The following N4BP1 variants were observed in gnomAD, a reference collection of about 807,000 sequenced individuals.
N4BP1 encodes NEDD4-binding protein 1.
In N4BP1, 21 loss-of-function variants were observed where a neutral mutation model predicts 70.9. The observed-to-expected ratio is 0.30, with a 90% CI of 0.21 to 0.43. The LOEUF (loss-of-function observed/expected upper bound fraction) is 0.43. Among genes scored for constraint, N4BP1 ranks in the 20% least tolerant of loss-of-function variants. N4BP1 has a pLI of 1.00. For synonymous variants in N4BP1, 387 were observed against 394.6 expected (o/e 0.98, Z 0.23); for missense variants, 936 against 1,069.4 (o/e 0.88, Z 1.74).
At chr16:48,608,364 A>G (rs1964617955) in intron 1 of N4BP1, among the ~76,000 whole-genome samples, 1 of 152,182 alleles carries the variant, frequency 6.6e-6, no homozygotes, top group Non-Finnish European at 1.5e-5. Flanking sequence ...TCCTTTAAGG[A>G]TGTGAAATGC....
At chr16:48,603,450 G>A (rs189761650) in intron 1 of N4BP1, among the ~76,000 whole-genome samples, 37 of 152,088 alleles carry the variant, frequency 2.4e-4, no homozygotes, top group Admixed American at 3.9e-4. Context: ...ACACCTTAAA[G>A]GTTCATGGAG....
intron 1 of N4BP1, among the ~76,000 whole-genome samples, chr16:48,566,920 T>C (rs1963950371): frequency 6.6e-6 from 1 of 152,260 alleles, no homozygotes; most frequent in South Asian, 2.1e-4. Flanking sequence ...CACTGTTACA[T>C]AATGTCTTCT....
At chr16:48,565,654 A>C (rs1236750632) in intron 1 of N4BP1, among the ~76,000 whole-genome samples, 1 of 152,238 alleles carries the variant, frequency 6.6e-6, no homozygotes, top group Non-Finnish European at 1.5e-5. Context: ...ATGAGTTAGA[A>C]AGTGTTCTCT....
intron 1 of N4BP1, among the ~76,000 whole-genome samples, chr16:48,601,896 CA>C (rs985887847): frequency 6.6e-6 from 1 of 151,914 alleles, no homozygotes; most frequent in Non-Finnish European, 1.5e-5. Context: ...TTCTTTAAGC[CA>C]AAAAAACTCC....
chr16:48,560,893 C>T lies in N4BP1; in HGVS notation c.1750G>A (p.Asp584Asn), dbSNP rs1272427199. The T allele has an allele frequency of 6.2e-7, 1 of 1,613,818 alleles. No individual in the cohort carries two copies. Among genetic ancestry groups the T allele is most frequent in the African/African-American group, 1.3e-5 (1 of 74,890 alleles). ...VTDARSAGPS[D>N]HIDSSVTGVQ... Reference sequence around the variant, plus strand: ...CCAGTAACTGAGGAATCAATATGATCAGAAGGTCCTGCCGACCTTGCATCA... The same window carrying T: ...CCAGTAACTGAGGAATCAATATGATTAGAAGGTCCTGCCGACCTTGCATCA... The change falls in exon 2 of 7, where the codon GAT becomes AAT. Residue 584 changes from aspartate to asparagine, a missense_variant. By Grantham distance (23) the Asp-to-Asn change is conservative. Around this residue, in one of 4 missense-constraint regions of N4BP1, gnomAD observed 515 missense variants for 491.7 expected, o/e 1.05. Coordinates refer to ENST00000262384, the MANE Select transcript of N4BP1 (RefSeq NM_153029.4).
chr16:48,544,626 C>G lies in N4BP1; in HGVS notation c.2334-1365G>C, dbSNP rs2151084343. ...TTATGAAAACAGAAACAACCACTAA[C>G]AAGGTGTCCTAAAAACAAAACAAAC... On this transcript the variant is annotated intron_variant, in intron 6 of 6. Coordinates refer to ENST00000262384, the MANE Select transcript of N4BP1 (RefSeq NM_153029.4). Among the ~76,000 whole-genome samples the G allele has an allele frequency of 1.3e-5, 2 of 152,306 alleles. 1 individual carries two copies. Among genetic ancestry groups the G allele is most frequent in the South Asian group, 4.1e-4 (2 of 4,826 alleles).
intron 3 of N4BP1, among the ~76,000 whole-genome samples, chr16:48,552,012 C>T (rs533688299): frequency 6.6e-6 from 1 of 152,132 alleles, no homozygotes; most frequent in East Asian, 1.9e-4. Flanking sequence ...ATGAAGCCTA[C>T]CATCAAAAAC....
In N4BP1 at chr16:48,561,329, C is replaced by A. The variant is rs1020163265; in HGVS notation, c.1314G>T (p.Met438Ile). The A allele has an allele frequency of 6.2e-6, 10 of 1,613,582 alleles. No individual in the cohort carries two copies. The Admixed American group carries it at 6.7e-5, about 11-fold the overall frequency. The change falls in exon 2 of 7, where the codon ATG becomes ATT. Residue 438 changes from methionine (M) to isoleucine (I), a missense_variant. Physicochemically the swap from Met to Ile is conservative, Grantham distance 10. Around this residue, in one of 4 missense-constraint regions of N4BP1, gnomAD observed 515 missense variants for 491.7 expected, o/e 1.05. Transcript: ENST00000262384. ...ATGGTAACTGAGAAAATTTTTCTACCATATTTTGCTGTGTGTGAGCCTGTG... is the reference window on the plus strand; with the variant it reads ...ATGGTAACTGAGAAAATTTTTCTACAATATTTTGCTGTGTGTGAGCCTGTG... Reference protein sequence around the residue: ...KKTQAHTQQNMVEKFSQLPFK... With the variant: ...KKTQAHTQQNIVEKFSQLPFK...
intron 1 of N4BP1, among the ~76,000 whole-genome samples, chr16:48,585,987 C>T (rs918999991): frequency 1.3e-5 from 2 of 152,240 alleles, no homozygotes; most frequent in East Asian, 3.9e-4. Flanking sequence ...TGAGCCACTG[C>T]GCCCGGCCAA....
intron 1 of N4BP1, among the ~76,000 whole-genome samples, chr16:48,605,288 C>A (rs1425669021): frequency 6.6e-6 from 1 of 152,122 alleles, no homozygotes; most frequent in African/African-American, 2.4e-5. Flanking sequence ...ACTCGGCATC[C>A]CAAAGTGTTG....
rs142597851 is a variant in N4BP1, at chr16:48,564,988, AATT to A, written c.199-2547_199-2545del. On this transcript the variant is annotated intron_variant, in intron 1 of 6. Transcript: ENST00000262384. ...GTCCACTGTTAGTATATACAAATAT[AATT>A]GATTTCTGTATGTTAATCATGTATC... is the stretch of plus-strand genomic sequence containing the variant. 5.0e-3 allele frequency among the ~76,000 whole-genome samples: 755 copies of A among 152,344 alleles called. 3 individuals are homozygous for A. Among genetic ancestry groups the A allele is most frequent in the Middle Eastern group, 0.014 (4 of 294 alleles).
In N4BP1 at chr16:48,610,087, C is replaced by G. The variant is rs547588118; in HGVS notation, c.-115G>C. 9 of 475,356 alleles carry G rather than the reference C, an allele frequency of 1.9e-5. No homozygotes were observed. In the African/African-American group the frequency reaches 1.9e-4, roughly 10 times the overall value. The allele number at this position is 475,356 out of a possible 1,614,324, so 29.4% of individuals were successfully genotyped here. A position where few individuals can be genotyped will look rare whatever the true frequency, so the allele number is the denominator to read the frequency against. On this transcript the variant is annotated 5_prime_UTR_variant, in exon 1 of 7. Coordinates refer to ENST00000262384, the MANE Select transcript of N4BP1 (RefSeq NM_153029.4). ...GCGTCGGCCCTTCCCGGCCGCCTCG[C>G]CCCCGCCCGCGCCCCGCCGCCCGCC...
At chr16:48,562,622 T>G (rs1159320338) in intron 1 of N4BP1, among the ~76,000 whole-genome samples, 178 bp from the exon 2 acceptor site, 1 of 152,234 alleles carries the variant, frequency 6.6e-6, no homozygotes, top group Non-Finnish European at 1.5e-5. Flanking sequence ...ATAACTTGCT[T>G]AAACCATCTT....
intron 1 of N4BP1, among the ~76,000 whole-genome samples, chr16:48,601,260 G>A (rs1393569070): frequency 1.3e-5 from 2 of 152,096 alleles, no homozygotes; most frequent in Non-Finnish European, 2.9e-5. Flanking sequence ...GCTACACTCT[G>A]GAATTTCCAC....
intron 1 of N4BP1, among the ~76,000 whole-genome samples, chr16:48,607,639 T>C (rs752786672): frequency 1.2e-4 from 18 of 151,866 alleles, no homozygotes; most frequent in Admixed American, 2.0e-4. Flanking sequence ...GCAAAGGCAA[T>C]AGAAAGGAAA....
chr16:48,560,110 A>AC (rs1963831233), intron 2 of N4BP1, among the ~76,000 whole-genome samples: 1 of 151,866 alleles, frequency 6.6e-6, no homozygotes, highest in Admixed American at 6.6e-5. Context: ...TTAGAAAAAA[A>AC]ACCCAAGCGT....
intron 1 of N4BP1, among the ~76,000 whole-genome samples, chr16:48,608,775 G>T (rs1964626247): frequency 6.6e-6 from 1 of 151,378 alleles, no homozygotes; most frequent in South Asian, 2.1e-4. Context: ...AAAAAAGGCG[G>T]GGTGGTGGTG....
intron 1 of N4BP1, among the ~76,000 whole-genome samples, chr16:48,567,251 T>C (rs903489839): frequency 1.3e-5 from 2 of 152,272 alleles, no homozygotes; most frequent in East Asian, 3.9e-4. Context: ...CTTCCTATAT[T>C]TGATTCCTGT....
chr16:48,546,147 C>A lies in N4BP1; in HGVS notation c.2333G>T (p.Arg778Ile). The stretch of plus-strand genomic sequence containing the variant: ...CAAGACAATCTGAAAAAGGAAATAC[C>A]TAAGACAGACTTCCTTCTGAAGAAA... Reference protein sequence around the residue: ...EEFLQKEVCLRDMQPLLSALP... With the variant: ...EEFLQKEVCLIDMQPLLSALP... The change falls in exon 6 of 7, where the codon AGA becomes ATA. Residue 778 changes from arginine (R) to isoleucine (I), a missense_variant and splice_region_variant. Arg to Ile is a moderately conservative substitution (Grantham distance 97, BLOSUM62 -3). Around this residue, in one of 4 missense-constraint regions of N4BP1, gnomAD observed 229 missense variants for 343.5 expected, o/e 0.67. Transcript: ENST00000262384. The A allele has an allele frequency of 6.3e-7, 1 of 1,598,468 alleles. No homozygotes were observed. The highest frequency in any genetic ancestry group is 8.6e-7 in the Non-Finnish European group (1 of 1,167,134).
Sources: gnomAD v4.1 joint callset for allele counts (sites outside exome capture counted in the v4.1 genomes callset) on GRCh38, gnomAD v4.1.1 for gene constraint, gnomAD v4.1.1 regional missense constraint, MANE v1.5 for transcripts, NCBI Gene and HGNC (gene_info 2026-07-23, HGNC 2026-07-21) for gene names.